Variants in UBAP2 observed in about 807,000 individuals in gnomAD.
UBAP2 encodes ubiquitin-associated protein 2.
UBAP2 carries 75 observed loss-of-function variants against 139.6 expected under a neutral mutation model. That is an observed-to-expected ratio of 0.54 (90% CI 0.45 to 0.65). UBAP2 has a LOEUF of 0.65. Ranked by LOEUF, UBAP2 falls within the 30% of genes least tolerant of loss-of-function variation. The pLI is 0.00. For missense variants in UBAP2, 1,368 were observed against 1,369.6 expected, an observed-to-expected ratio of 1.00 and a Z score of 0.02; for synonymous variants, 526 against 526.2, an observed-to-expected ratio of 1.00 and a Z score of 0.01.
At chr9:33,990,662 G>C (rs1291093270) in intron 4 of UBAP2, among the ~76,000 whole-genome samples, 2 of 135,146 alleles carry the variant, frequency 1.5e-5, no homozygotes, top group Non-Finnish European at 3.1e-5. Context: ...TTGAGACAGA[G>C]TCTCACTCTG....
intron 8 of UBAP2, chr9:33,968,170 T>C (rs1380870948): frequency 5.0e-6 from 3 of 602,400 alleles, no homozygotes; most frequent in Non-Finnish European, 9.7e-6. Flanking sequence ...GAAGAAGAAA[T>C]CTACTGGGTT....
chr9:34,014,324 CAA>C (rs1170182976), intron 2 of UBAP2, among the ~76,000 whole-genome samples: 13,479 of 54,096 alleles, frequency 0.25, 481 homozygotes, highest in African/African-American at 0.26. Flanking sequence ...GAGACTGTCT[CAA>C]AAAAAAAAAA....
chr9:34,010,427 T>TAAAAAA (rs57695373), intron 2 of UBAP2, among the ~76,000 whole-genome samples: 1 of 108,342 alleles, frequency 9.2e-6, no homozygotes, highest in South Asian at 3.2e-4. Context: ...CTCTGCCTCA[T>TAAAAAA]AAAAAAAAAA....
intron 1 of UBAP2, among the ~76,000 whole-genome samples, chr9:34,033,249 G>A (rs1826041027): frequency 6.6e-6 from 1 of 152,066 alleles, no homozygotes; most frequent in Non-Finnish European, 1.5e-5. Context: ...ATAAAACATG[G>A]TACTTATACA....
intron 11 of UBAP2, among the ~76,000 whole-genome samples, chr9:33,955,122 G>A (rs1587556433): frequency 6.7e-6 from 1 of 148,502 alleles, no homozygotes. Context: ...AGTTTCAGAA[G>A]ATCTAAATAA....
chr9:33,922,331 C>G lies in UBAP2; in HGVS notation c.*173G>C. On this transcript the variant is annotated 3_prime_UTR_variant, in exon 29 of 29. Transcript: ENST00000379238. The stretch of plus-strand genomic sequence containing the variant: ...CAGACTTCTATCACATTTACAAATA[C>G]ATACATAAATACATTACATACAGTA... 1 of 642,088 alleles carries G rather than the reference C, an allele frequency of 1.6e-6. No homozygotes were observed. The highest frequency in any genetic ancestry group is 2.7e-6 in the Non-Finnish European group (1 of 368,672). 39.8% of individuals were successfully genotyped at this position (642,088 alleles called of 1,614,324 possible).
intron 8 of UBAP2, among the ~76,000 whole-genome samples, chr9:33,966,430 TG>T (rs1458904765): frequency 6.6e-6 from 1 of 152,028 alleles, no homozygotes; most frequent in African/African-American, 2.4e-5. Context: ...CACTCCAGCC[TG>T]TGTGACAGAG....
At position 33,926,697 on chromosome 9, in the gene UBAP2, C is replaced by A. The variant is rs570546311; in HGVS notation, c.2464-33G>T. ...AGAACCAGAAAGTGTATTTTAGGAA[C>A]CACATACCACACCCTGGGAAGCCCA... On this transcript the variant is annotated intron_variant, in intron 21 of 28. Transcript: ENST00000379238. 1.8e-5 allele frequency: 29 copies of A among 1,612,888 alleles called. No homozygotes were observed. In the South Asian group the frequency reaches 2.5e-4, roughly 14 times the overall value.
intron 16 of UBAP2, among the ~76,000 whole-genome samples, chr9:33,940,830 T>C (rs1825141108): frequency 6.6e-6 from 1 of 152,226 alleles, no homozygotes; most frequent in Non-Finnish European, 1.5e-5. Context: ...TGCTCACATA[T>C]TAATTTTTAG....
At position 33,922,898 on chromosome 9, in the gene UBAP2, A is replaced by G. The variant is rs1176862428; in HGVS notation, c.3073-20T>C. The G allele has an allele frequency of 6.2e-7, 1 of 1,611,624 alleles. No individual in the cohort carries two copies. The highest frequency in any genetic ancestry group is 8.5e-7 in the Non-Finnish European group (1 of 1,178,390). On this transcript the variant is annotated intron_variant, in intron 27 of 28. Transcript: ENST00000379238. ...AAAAGTCTACAGGGCAAAGAAGACA[A>G]TGGTGAAGGTCAGGTTGGGCTGTAA...
At chr9:34,042,826 T>C (rs988336818) in intron 1 of UBAP2, among the ~76,000 whole-genome samples, 2 of 151,212 alleles carry the variant, frequency 1.3e-5, no homozygotes, top group African/African-American at 4.9e-5. Context: ...ACCTGTAATC[T>C]CAGCACTTTA....
At chr9:34,036,909 A>G (rs1587697830) in intron 1 of UBAP2, among the ~76,000 whole-genome samples, 1 of 139,774 alleles carries the variant, frequency 7.2e-6, no homozygotes, top group Non-Finnish European at 1.5e-5. Flanking sequence ...CCTCCCCTCC[A>G]GGGTTCCAGC....
chr9:33,930,593 A>G (rs1389354763), intron 19 of UBAP2, among the ~76,000 whole-genome samples: 1 of 152,120 alleles, frequency 6.6e-6, no homozygotes, highest in African/African-American at 2.4e-5. Flanking sequence ...AACAAGAGAA[A>G]AAGAATAAAA....
intron 4 of UBAP2, among the ~76,000 whole-genome samples, chr9:33,993,062 A>C (rs1821855777): frequency 6.6e-6 from 1 of 152,246 alleles, no homozygotes; most frequent in Non-Finnish European, 1.5e-5. Flanking sequence ...CAATTTTGTC[A>C]CATCAACCAA....
intron 17 of UBAP2, 51 bp downstream of exon 17, chr9:33,935,788 T>C: frequency 1.2e-6 from 2 of 1,607,770 alleles, no homozygotes; most frequent in East Asian, 4.5e-5. Context: ...ATCCTCTTCC[T>C]CTGTTTGGTT....
chr9:33,943,230 T>C (rs1162856343), intron 15 of UBAP2, among the ~76,000 whole-genome samples, 190 bp downstream of exon 15: 2 of 152,176 alleles, frequency 1.3e-5, no homozygotes, highest in Non-Finnish European at 2.9e-5. Flanking sequence ...AGAGACAGAT[T>C]ATTGGTTGCT....
chr9:34,015,980 T>C (rs1824218687), intron 2 of UBAP2, among the ~76,000 whole-genome samples: 1 of 152,210 alleles, frequency 6.6e-6, no homozygotes, highest in African/African-American at 2.4e-5. Context: ...AGGCAGCTTT[T>C]TAAAGTCTAT....
intron 2 of UBAP2, among the ~76,000 whole-genome samples, chr9:34,006,881 T>A (rs1048336010): frequency 1.3e-5 from 2 of 152,176 alleles, no homozygotes; most frequent in African/African-American, 4.8e-5. Context: ...GACTTAAGTA[T>A]TGACAGTGAC....
chr9:33,976,844 GTA>G (rs35740464), intron 6 of UBAP2, among the ~76,000 whole-genome samples: 1 of 149,240 alleles, frequency 6.7e-6, no homozygotes, highest in Non-Finnish European at 1.5e-5. Flanking sequence ...TAAAAAAAAT[GTA>G]TATATATATA....
Sources: allele counts gnomAD v4.1 joint callset (sites outside exome capture counted in the v4.1 genomes callset), GRCh38; gene constraint gnomAD v4.1.1; transcripts MANE v1.5; gene names NCBI Gene and HGNC (gene_info 2026-07-23, HGNC 2026-07-21).